Variants in AGO2 observed in about 807,000 individuals in gnomAD.
AGO2 encodes the protein argonaute RISC catalytic component 2.
AGO2 carries 5 observed loss-of-function variants against 102.3 expected under a neutral mutation model. The observed-to-expected ratio is 0.05, with a 90% CI of 0.03 to 0.10. The LOEUF is 0.10. Among genes scored for constraint, AGO2 ranks in the 10% least tolerant of loss-of-function variants. AGO2 has a pLI of 1.00. For synonymous variants in AGO2, 449 were observed against 473.1 expected, an observed-to-expected ratio of 0.95 and a Z score of 0.66; for missense variants, 541 against 1,183.7, an observed-to-expected ratio of 0.46 and a Z score of 7.97.
rs762497198 is a variant in AGO2, at chr8:140,567,312, C to G, written c.337-4678G>C. 6.6e-6 allele frequency among the ~76,000 whole-genome samples: 1 copy of G among 152,250 alleles called. No homozygotes were observed. The highest frequency in any genetic ancestry group is 1.5e-5 in the Non-Finnish European group (1 of 68,040). The stretch of plus-strand genomic sequence containing the variant: ...GGAGATTTTACGACGGCCATCACGC[C>G]ACGAGGGCAGGAGGCACATGGCTCT... On this transcript the variant is annotated intron_variant, in intron 3 of 18. Coordinates refer to ENST00000220592, the MANE Select transcript of AGO2 (RefSeq NM_012154.5). This position sits in a 1 kb window ranked among gnomAD's most constrained non-coding sequence, Gnocchi z 5.0.
chr8:140,621,770 A>G (rs1278942902), intron 1 of AGO2, among the ~76,000 whole-genome samples: 2 of 152,198 alleles, frequency 1.3e-5, no homozygotes, highest in African/African-American at 2.4e-5. Flanking sequence ...TTCACTTTCT[A>G]AAAGGTTCAG....
At chr8:140,580,169 G>A (rs1476799994) in intron 2 of AGO2, among the ~76,000 whole-genome samples, 1 of 152,274 alleles carries the variant, frequency 6.6e-6, no homozygotes, top group Non-Finnish European at 1.5e-5. Context: ...GCCCACAGCT[G>A]TACGGGACGC....
At chr8:140,565,082 C>A (rs76737680) in intron 3 of AGO2, among the ~76,000 whole-genome samples, 8,170 of 151,374 alleles carry the variant, frequency 0.054, 705 homozygotes, top group African/African-American at 0.18. Flanking sequence ...TGCAGTGAGC[C>A]GAGATCGCAC....
intron 1 of AGO2, among the ~76,000 whole-genome samples, chr8:140,596,911 C>T (rs1015799370): frequency 1.3e-5 from 2 of 152,184 alleles, no homozygotes; most frequent in Non-Finnish European, 2.9e-5. Context: ...GGGAGAACTC[C>T]CCTGGTGCCC....
chr8:140,539,198 CAG>C lies in AGO2; in HGVS notation c.2169+120_2169+121del. On this transcript the variant is annotated intron_variant, in intron 16 of 18. Transcript: ENST00000220592. This position sits in a 1 kb window ranked among gnomAD's most constrained non-coding sequence, Gnocchi z 4.7. ...GGTCCCCATGAAGCCCCTTAGAGGACAGAGTCACCCTAGAGCCTGGGACAGCG... is the reference window on the plus strand; with the variant it reads ...GGTCCCCATGAAGCCCCTTAGAGGACAGTCACCCTAGAGCCTGGGACAGCG... 8.6e-6 allele frequency: 12 copies of C among 1,394,282 alleles called. No individual in the cohort carries two copies. The highest frequency in any genetic ancestry group is 1.2e-5 in the Non-Finnish European group (12 of 1,041,996). 86.4% of individuals were successfully genotyped at this position (1,394,282 alleles called of 1,614,324 possible). A position where few individuals can be genotyped will look rare whatever the true frequency, so the allele number is the denominator to read the frequency against.
chr8:140,609,064 G>A (rs986746919), intron 1 of AGO2, among the ~76,000 whole-genome samples: 5 of 152,234 alleles, frequency 3.3e-5, no homozygotes, highest in African/African-American at 1.2e-4. Context: ...AGGCTCAGCT[G>A]TGCCAGGGGC....
At chr8:140,538,843 G>A (rs1422458808) in intron 16 of AGO2, among the ~76,000 whole-genome samples, 1 of 152,214 alleles carries the variant, frequency 6.6e-6, no homozygotes, top group Non-Finnish European at 1.5e-5. Context: ...GTTCACACCT[G>A]TAATGCCAGC....
intron 4 of AGO2, among the ~76,000 whole-genome samples, chr8:140,562,183 A>G (rs1215496201): frequency 1.3e-5 from 2 of 152,264 alleles, no homozygotes; most frequent in Non-Finnish European, 2.9e-5. Context: ...CTGGGTGCAG[A>G]GGGCTGCGCG....
chr8:140,586,883 T>C (rs2073668211), intron 1 of AGO2, among the ~76,000 whole-genome samples: 1 of 152,118 alleles, frequency 6.6e-6, no homozygotes, highest in Non-Finnish European at 1.5e-5. Context: ...GGCACGCTCC[T>C]CTCGGGGAGG....
chr8:140,575,530 G>A (rs1564095771), intron 2 of AGO2, among the ~76,000 whole-genome samples: 1 of 152,184 alleles, frequency 6.6e-6, no homozygotes, highest in African/African-American at 2.4e-5. Flanking sequence ...TGGAGGGGAA[G>A]GTGGGTTCTA....
intron 2 of AGO2, among the ~76,000 whole-genome samples, chr8:140,581,978 GA>G (rs1388597939): frequency 3.9e-5 from 6 of 151,992 alleles, no homozygotes; most frequent in African/African-American, 1.2e-4. Context: ...ACCATTCCAG[GA>G]AAAGAAAAAT....
chr8:140,571,196 G>A (rs1016504012), intron 3 of AGO2, among the ~76,000 whole-genome samples: 17 of 152,140 alleles, frequency 1.1e-4, no homozygotes, highest in Middle Eastern at 3.2e-3. Flanking sequence ...TTAGAACCAT[G>A]AGATCGCTTT....
At chr8:140,564,289 G>C (rs916818265) in intron 3 of AGO2, among the ~76,000 whole-genome samples, 21 of 152,146 alleles carry the variant, frequency 1.4e-4, no homozygotes, top group Admixed American at 5.9e-4. Flanking sequence ...GACAGCGGAG[G>C]GGGTGGCGGT....
chr8:140,556,893 G>C (rs376982562), intron 8 of AGO2, among the ~76,000 whole-genome samples, 196 bp downstream of exon 8: 2 of 152,186 alleles, frequency 1.3e-5, no homozygotes, highest in Non-Finnish European at 2.9e-5. Context: ...TCCCACAAGA[G>C]AGCTGCAGAC....
At position 140,595,686 on chromosome 8, in the gene AGO2, T is replaced by C. The variant is rs867623501; in HGVS notation, c.23-10375A>G. ...TATATTATATATATAGCCTGGCATA[T>C]AAAATATATATAATTATATATAAAT... On this transcript the variant is annotated intron_variant, in intron 1 of 18. Transcript: ENST00000220592. 2.4e-3 allele frequency among the ~76,000 whole-genome samples: 319 copies of C among 134,642 alleles called. 2 individuals carry two copies. The highest frequency in any genetic ancestry group is 8.6e-3 in the African/African-American group (313 of 36,402). The allele number at this position is 134,642 out of a possible 152,430, so 88.3% of individuals were successfully genotyped here.
At chr8:140,584,150 A>C (rs1220116438) in intron 2 of AGO2, among the ~76,000 whole-genome samples, 3 of 151,856 alleles carry the variant, frequency 2.0e-5, no homozygotes, top group Non-Finnish European at 1.5e-5. Context: ...AAAAAAAAAA[A>C]AAACAAAACA....
At chr8:140,595,811 ATATAT>A (rs1383050048) in intron 1 of AGO2, among the ~76,000 whole-genome samples, 1 of 28,126 alleles carries the variant, frequency 3.6e-5, no homozygotes, top group Non-Finnish European at 9.9e-5. Flanking sequence ...ATACAATTGT[ATATAT>A]TATATTTATA....
Position 140,557,188 on chromosome 8 carries a change from G to A in AGO2, c.927C>T (p.Ala309=), listed in dbSNP as rs2073111523. 5 of 1,614,042 alleles carry A rather than the reference G, an allele frequency of 3.1e-6. No homozygotes were observed. The highest frequency in any genetic ancestry group is 4.2e-6 in the Non-Finnish European group (5 of 1,179,994). The stretch of plus-strand genomic sequence containing the variant: ...ACTTGTGCCTGTCCTTGAAATACTG[G>A]GCCACCGTGCACTCCACCGTCTGCC... The part of the protein sequence containing the change: ...ESGQTVECTV[A]QYFKDRHKLV... Residue 309 remains alanine (A), a synonymous_variant, in exon 8 of 19, where the codon GCC becomes GCT. Coordinates refer to ENST00000220592, the MANE Select transcript of AGO2 (RefSeq NM_012154.5). This position sits in a 1 kb window ranked among gnomAD's most constrained non-coding sequence, Gnocchi z 5.9.
At chr8:140,635,898 G>T (rs1178886015), upstream of AGO2, among the ~76,000 whole-genome samples, 1 of 148,690 alleles carries the variant, frequency 6.7e-6, no homozygotes, top group South Asian at 2.1e-4. Flanking sequence ...GAGCGGGGAC[G>T]AGGGCCGAGG....
Sources: gnomAD v4.1 joint callset for allele counts (sites outside exome capture counted in the v4.1 genomes callset) on GRCh38, gnomAD v4.1.1 for gene constraint, Gnocchi (gnomAD v3.1) non-coding constraint, MANE v1.5 for transcripts, NCBI Gene and HGNC (gene_info 2026-07-23, HGNC 2026-07-21) for gene names.